KLHL29: variants seen among roughly 807,000 people sequenced by gnomAD.
KLHL29 encodes the protein kelch like family member 29.
A neutral mutation model predicts 80.4 loss-of-function variants in KLHL29; 21 were observed. That is an observed-to-expected ratio of 0.26 (90% CI 0.19 to 0.38). The LOEUF is 0.38. KLHL29 is among the 10% of genes least tolerant of loss of function. KLHL29 has a pLI of 1.00. For missense variants in KLHL29, 867 were observed against 1,223.9 expected (o/e 0.71, Z 4.35); for synonymous variants, 511 against 526.8 (o/e 0.97, Z 0.41).
intron 3 of KLHL29, among the ~76,000 whole-genome samples, chr2:23,611,218 G>A (rs760061792): frequency 7.2e-5 from 11 of 152,186 alleles, no homozygotes; most frequent in African/African-American, 7.2e-5. Context: ...ACAGAGGCCC[G>A]TGGAGGTAAG....
chr2:23,699,570 C>CTGT (rs971370086), intron 11 of KLHL29, among the ~76,000 whole-genome samples: 10 of 152,226 alleles, frequency 6.6e-5, no homozygotes, highest in African/African-American at 2.4e-4. Context: ...CAGCTGCCTC[C>CTGT]TGTTGTCCTT....
chr2:23,494,007 C>T (rs548284241), intron 2 of KLHL29, among the ~76,000 whole-genome samples: 5 of 152,330 alleles, frequency 3.3e-5, no homozygotes, highest in African/African-American at 1.2e-4. Flanking sequence ...CTACTGCTAT[C>T]TCTCGAAACA....
chr2:23,444,948 A>G (rs559536045), intron 1 of KLHL29, among the ~76,000 whole-genome samples: 2 of 152,208 alleles, frequency 1.3e-5, no homozygotes, highest in African/African-American at 2.4e-5. Flanking sequence ...TTTCTTAGAA[A>G]ATATAAAACA....
At chr2:23,648,565 TG>T (rs2149162394) in intron 5 of KLHL29, among the ~76,000 whole-genome samples, 1 of 152,304 alleles carries the variant, frequency 6.6e-6, no homozygotes, top group East Asian at 1.9e-4. Flanking sequence ...AGCCTGTTGC[TG>T]GGAACTTCTC....
At chr2:23,646,165 A>G (rs951105187) in intron 5 of KLHL29, among the ~76,000 whole-genome samples, 3 of 152,150 alleles carry the variant, frequency 2.0e-5, no homozygotes, top group Admixed American at 1.3e-4. Flanking sequence ...TACCTAAGAC[A>G]TTTGTCTCGT....
At chr2:23,534,330 C>G (rs190715567) in intron 2 of KLHL29, among the ~76,000 whole-genome samples, 61 of 152,208 alleles carry the variant, frequency 4.0e-4, no homozygotes, top group African/African-American at 1.3e-3. Flanking sequence ...TGTGCAACAC[C>G]TAGCCCAATG....
intron 8 of KLHL29, among the ~76,000 whole-genome samples, 154 bp downstream of exon 8, chr2:23,693,682 A>G (rs1380402957): frequency 6.6e-6 from 1 of 152,176 alleles, no homozygotes; most frequent in African/African-American, 2.4e-5. Flanking sequence ...GTGAGAAACC[A>G]GTCACCAAAG....
At chr2:23,565,497 T>TC (rs544936360) in intron 3 of KLHL29, among the ~76,000 whole-genome samples, 34 of 152,242 alleles carry the variant, frequency 2.2e-4, no homozygotes, top group Admixed American at 7.8e-4. Context: ...CTCCAGATGC[T>TC]CCGTAGGCAA....
At chr2:23,698,818 G>C (rs1247748555) in intron 11 of KLHL29, among the ~76,000 whole-genome samples, 1 of 152,110 alleles carries the variant, frequency 6.6e-6, no homozygotes, top group African/African-American at 2.4e-5. Flanking sequence ...CTGACGGGAG[G>C]GCTCATGGCT....
At chr2:23,539,272 A>G (rs1666765030) in intron 2 of KLHL29, among the ~76,000 whole-genome samples, 1 of 152,124 alleles carries the variant, frequency 6.6e-6, no homozygotes, top group Admixed American at 6.5e-5. Context: ...ACTGCAGAAT[A>G]TTTTATCTTT....
chr2:23,388,627 G>T (rs1280799383), intron 1 of KLHL29, among the ~76,000 whole-genome samples: 1 of 152,112 alleles, frequency 6.6e-6, no homozygotes, highest in Non-Finnish European at 1.5e-5. Flanking sequence ...AATTTTAGTT[G>T]TGCCATCTTT....
At chr2:23,665,573 T>C (rs1670531097) in intron 5 of KLHL29, among the ~76,000 whole-genome samples, 1 of 152,180 alleles carries the variant, frequency 6.6e-6, no homozygotes, top group Non-Finnish European at 1.5e-5. Flanking sequence ...CTGGGTAATT[T>C]ATAAAGAAAA....
At chr2:23,581,246 G>T (rs545384701) in intron 3 of KLHL29, among the ~76,000 whole-genome samples, 1 of 152,268 alleles carries the variant, frequency 6.6e-6, no homozygotes, top group East Asian at 1.9e-4. Flanking sequence ...CCATGTATAT[G>T]ATTGGTCCTC....
intron 1 of KLHL29, among the ~76,000 whole-genome samples, chr2:23,468,974 C>A (rs1664424291): frequency 1.3e-5 from 2 of 152,210 alleles, no homozygotes; most frequent in Admixed American, 1.3e-4. Flanking sequence ...GCCCCTGGGG[C>A]CCTCCTGGAA....
In KLHL29 at chr2:23,504,483, C is replaced by G. The variant is rs571331715; in HGVS notation, c.-46+28816C>G. On this transcript the variant is annotated intron_variant, in intron 2 of 13. Transcript: ENST00000486442. ...AGGCCTCACCTCTGGGCAGCAAAGGCGGCTGTCTGGAGCCCCGGGGCCTCC... is the reference window on the plus strand; with the variant it reads ...AGGCCTCACCTCTGGGCAGCAAAGGGGGCTGTCTGGAGCCCCGGGGCCTCC... 5.3e-5 allele frequency among the ~76,000 whole-genome samples: 8 copies of G among 152,272 alleles called. No homozygotes were observed. The South Asian group carries it at 1.7e-3, about 32-fold the overall frequency.
intron 4 of KLHL29, among the ~76,000 whole-genome samples, chr2:23,639,825 CTACAGG>C (rs1669717392): frequency 6.6e-6 from 1 of 152,188 alleles, no homozygotes; most frequent in Non-Finnish European, 1.5e-5. Flanking sequence ...CACAACAGCC[CTACAGG>C]TGTCAGGAGA....
At chr2:23,411,775 G>C (rs1666866189) in intron 1 of KLHL29, among the ~76,000 whole-genome samples, 1 of 152,158 alleles carries the variant, frequency 6.6e-6, no homozygotes, top group African/African-American at 2.4e-5. Context: ...GATTGGTTCT[G>C]AGGGTCTCCT....
intron 1 of KLHL29, among the ~76,000 whole-genome samples, chr2:23,416,894 A>G (rs1666992285): frequency 6.6e-6 from 1 of 152,060 alleles, no homozygotes; most frequent in Admixed American, 6.5e-5. Context: ...GAGACCCATA[A>G]CACCAGCTCA....
chr2:23,704,380 G>A (rs1322046945), intron 13 of KLHL29, among the ~76,000 whole-genome samples: 2 of 152,174 alleles, frequency 1.3e-5, no homozygotes, highest in African/African-American at 2.4e-5. Flanking sequence ...AGTGTGGCTC[G>A]GTCCCCAGGC....
Sources: allele counts gnomAD v4.1 joint callset (sites outside exome capture counted in the v4.1 genomes callset), GRCh38; gene constraint gnomAD v4.1.1; transcripts MANE v1.5; gene names NCBI Gene and HGNC (gene_info 2026-07-23, HGNC 2026-07-21).